TTC7A: variants seen among roughly 807,000 people sequenced by gnomAD.
TTC7A encodes the protein tetratricopeptide repeat domain 7A.
TTC7A carries 110 observed loss-of-function variants against 103.7 expected under a neutral mutation model. The ratio of observed to expected loss-of-function variants is 1.06; its 90% confidence interval spans 0.91 to 1.24. The LOEUF (loss-of-function observed/expected upper bound fraction) is 1.24, where lower values mean the gene tolerates loss of function less well. Ranked by LOEUF, TTC7A falls within the 50% of genes most tolerant of loss-of-function variation. The pLI is 0.00. For missense variants in TTC7A, 1,340 were observed against 1,116.3 expected (o/e 1.20, Z -2.86); for synonymous variants, 521 against 467.9 (o/e 1.11, Z -1.47).
At chr2:46,954,091 A>G (rs749211105) in intron 2 of TTC7A, among the ~76,000 whole-genome samples, 1 of 152,156 alleles carries the variant, frequency 6.6e-6, no homozygotes, top group Admixed American at 6.5e-5. Context: ...AAATAAAATA[A>G]TGACTGGGAA....
rs370561777 is a variant in TTC7A, at chr2:47,053,856, G to T, written c.2152+1976G>T. On this transcript the variant is annotated intron_variant, in intron 18 of 19. Coordinates refer to ENST00000319190, the MANE Select transcript of TTC7A (RefSeq NM_020458.4). ...ACCAAAGTGCTGGGATTACAGGCGT[G>T]AGCCACTGCGCCCGGCCTGATTTGT... Among the ~76,000 whole-genome samples, 4 of 152,324 alleles carry T rather than the reference G, an allele frequency of 2.6e-5. No homozygotes were observed. The East Asian group carries it at 5.8e-4, about 22-fold the overall frequency.
intron 17 of TTC7A, among the ~76,000 whole-genome samples, chr2:47,050,984 A>T (rs1368917058): frequency 6.6e-6 from 1 of 152,232 alleles, no homozygotes; most frequent in Non-Finnish European, 1.5e-5. Flanking sequence ...CTGCATGGGA[A>T]TTATAAATGT....
chr2:46,917,341 C>T lies in TTC7A; in HGVS notation c.82+64C>T, dbSNP rs114239050. On this transcript the variant is annotated intron_variant, in intron 2 of 20. Transcript: ENST00000409245. ...GAGGAAACCCTATTAATTCAAGACC[C>T]ATTCTTCTTTCCTTACTCTGAACTT... The T allele has an allele frequency of 1.6e-3, 979 of 606,922 alleles. 8 individuals carry two copies. The African/African-American group carries it at 0.017, about 11-fold the overall frequency. 37.6% of individuals were successfully genotyped at this position (606,922 alleles called of 1,614,324 possible).
intron 11 of TTC7A, among the ~76,000 whole-genome samples, chr2:47,018,282 A>G (rs531369537): frequency 0.059 from 1,813 of 30,636 alleles, 42 homozygotes; most frequent in African/African-American, 0.17. Flanking sequence ...TCCGTCTCAG[A>G]AAAAAAAAAA....
intron 3 of TTC7A, among the ~76,000 whole-genome samples, chr2:46,969,345 T>C (rs11681157): frequency 0.56 from 84,850 of 151,726 alleles, 24,665 homozygotes; most frequent in East Asian, 0.66. Flanking sequence ...CTACTAAAAA[T>C]ACAAAAACAA....
chr2:47,056,593 G>A (rs1225716312), intron 18 of TTC7A, among the ~76,000 whole-genome samples: 1 of 152,222 alleles, frequency 6.6e-6, no homozygotes, highest in Non-Finnish European at 1.5e-5. Flanking sequence ...CAGGAAGACT[G>A]GAACCAGCTC....
At chr2:46,955,407 A>C (rs1671766461) in intron 2 of TTC7A, among the ~76,000 whole-genome samples, 1 of 152,124 alleles carries the variant, frequency 6.6e-6, no homozygotes, top group Admixed American at 6.5e-5. Context: ...TTGGAGAGTT[A>C]ATTAATAGAG....
In TTC7A at chr2:46,917,247, CTCCG is replaced by C. The variant is rs758843617; in HGVS notation, c.53_56del (p.Leu18ProfsTer26). 22 of 700,130 alleles carry C rather than the reference CTCCG, an allele frequency of 3.1e-5. 1 individual carries two copies. In the South Asian group the frequency reaches 3.3e-4, roughly 10 times the overall value. 43.4% of individuals were successfully genotyped at this position (700,130 alleles called of 1,614,324 possible). The stretch of plus-strand genomic sequence containing the variant: ...TGGGTTCAAGCAATCCTCCCACCAC[CTCCG>C]CCTCCCAAAGTGCTGGGATTACAGG... On this transcript the variant is annotated frameshift_variant, in exon 2 of 21. Transcript: ENST00000409245. LOFTEE classifies it high-confidence loss of function.
chr2:46,975,082 GTT>G lies in TTC7A; in HGVS notation c.628_629del (p.Phe210ProfsTer10). ...FERASWIAQVFLQELEKTTNN... is the reference protein window; with the variant it reads ...FERASWIAQVXLQELEKTTNN... ...AGAGGGCCTCCTGGATCGCTCAGGT[GTT>G]CCTGCAGGAATTGGAGAAGGTGAGC... On this transcript the variant is annotated frameshift_variant, in exon 4 of 20. Coordinates refer to ENST00000319190, the MANE Select transcript of TTC7A (RefSeq NM_020458.4). LOFTEE classifies it high-confidence loss of function. The G allele has an allele frequency of 6.2e-7, 1 of 1,613,884 alleles. No individual in the cohort carries two copies. Among genetic ancestry groups the G allele is most frequent in the Non-Finnish European group, 8.5e-7 (1 of 1,179,848 alleles).
At position 47,051,780 on chromosome 2, in the gene TTC7A, G is replaced by C. The variant is rs746040868; in HGVS notation, c.2052G>C (p.Arg684=). The C allele has an allele frequency of 5.6e-6, 9 of 1,611,266 alleles. No individual in the cohort carries two copies. The Admixed American group carries it at 1.5e-4, about 27-fold the overall frequency. ...GGGCTTCGTCCATCGCCGCCTCCCG[G>C]CTGGAGGAGGCCATGTCAGAGCTGA... ...SRRASSIAAS[R]LEEAMSELTM... The change falls in exon 18 of 20, where the codon CGG becomes CGC. Residue 684 remains arginine, a synonymous_variant. Coordinates refer to ENST00000319190, the MANE Select transcript of TTC7A (RefSeq NM_020458.4).
At chr2:46,987,157 G>T (rs964335739) in intron 5 of TTC7A, among the ~76,000 whole-genome samples, 1 of 152,174 alleles carries the variant, frequency 6.6e-6, no homozygotes, top group Non-Finnish European at 1.5e-5. Flanking sequence ...TGGGGGTGGA[G>T]GGCGTCTCTT....
At chr2:46,920,465 G>A (rs1244611054) in intron 2 of TTC7A, among the ~76,000 whole-genome samples, 1 of 152,010 alleles carries the variant, frequency 6.6e-6, no homozygotes, top group Admixed American at 6.5e-5. Context: ...AAGTTGCTGG[G>A]ATTACAGGCA....
At chr2:46,952,213 G>A (rs145632650) in intron 2 of TTC7A, among the ~76,000 whole-genome samples, 85 of 152,194 alleles carry the variant, frequency 5.6e-4, no homozygotes, top group African/African-American at 1.9e-3. Flanking sequence ...TTTGTATTGG[G>A]TTAAAATAGC....
intron 4 of TTC7A, among the ~76,000 whole-genome samples, chr2:46,975,451 C>A (rs1673784890): frequency 6.6e-6 from 1 of 151,806 alleles, no homozygotes; most frequent in African/African-American, 2.4e-5. Context: ...TCTCGGTGTC[C>A]CAGAAGCTCC....
intron 11 of TTC7A, 143 bp downstream of exon 11, chr2:47,011,578 G>A (rs1678058395): frequency 4.6e-6 from 3 of 649,526 alleles, no homozygotes; most frequent in African/African-American, 1.8e-5. Context: ...GCCTGGGCAG[G>A]GAGAAAGTCT....
In TTC7A at chr2:47,040,372, A is replaced by G. The variant is rs369249984; in HGVS notation, c.1803-5943A>G. 9.0e-4 allele frequency: 137 copies of G among 152,364 alleles called. 1 individual carries two copies. The highest frequency in any genetic ancestry group is 3.1e-3 in the African/African-American group (128 of 41,560). 9.4% of individuals were successfully genotyped at this position (152,364 alleles called of 1,614,324 possible). ...TTTCCCAGACAGAACACTCACTTTCATATCATCCTTCGATGCCGATGGCGT... is the reference window on the plus strand; with the variant it reads ...TTTCCCAGACAGAACACTCACTTTCGTATCATCCTTCGATGCCGATGGCGT... On this transcript the variant is annotated intron_variant, in intron 15 of 19. Transcript: ENST00000319190.
At chr2:47,043,220 C>G (rs1263765032) in intron 15 of TTC7A, among the ~76,000 whole-genome samples, 2 of 152,218 alleles carry the variant, frequency 1.3e-5, no homozygotes, top group Non-Finnish European at 1.5e-5. Context: ...GAGTTGTTTG[C>G]TGATCCCTGT....
intron 11 of TTC7A, among the ~76,000 whole-genome samples, chr2:47,018,481 G>T (rs919261068): frequency 1.3e-5 from 2 of 151,478 alleles, no homozygotes; most frequent in African/African-American, 4.9e-5. Flanking sequence ...CTACTTGGGA[G>T]GCTGAGGCAG....
chr2:46,934,421 G>T (rs1669861584), intron 2 of TTC7A, among the ~76,000 whole-genome samples: 1 of 152,166 alleles, frequency 6.6e-6, no homozygotes, highest in African/African-American at 2.4e-5. Context: ...ACCACGCCCA[G>T]CTAATTTTTG....
Sources: allele counts gnomAD v4.1 joint callset (sites outside exome capture counted in the v4.1 genomes callset), GRCh38; gene constraint gnomAD v4.1.1; transcripts MANE v1.5; gene names NCBI Gene and HGNC (gene_info 2026-07-23, HGNC 2026-07-21).